The following TBC1D22A variants were observed in gnomAD, a reference collection of about 807,000 sequenced individuals.
TBC1D22A encodes TBC1 domain family member 22A, also known as putative GTPase activator.
Under a neutral mutation model 60.2 loss-of-function variants are expected in TBC1D22A, and 38 were observed. That is an observed-to-expected ratio of 0.63 (90% CI 0.49 to 0.83). The LOEUF (loss-of-function observed/expected upper bound fraction) is 0.83, where lower values mean the gene tolerates loss of function less well. TBC1D22A is among the 40% of genes least tolerant of loss of function. The pLI is 0.00. For synonymous variants in TBC1D22A, 302 were observed against 281.7 expected, an observed-to-expected ratio of 1.07 and a Z score of -0.72; for missense variants, 628 against 701.0, an observed-to-expected ratio of 0.90 and a Z score of 1.18.
At chr22:47,022,772 G>A (rs371303919) in intron 10 of TBC1D22A, among the ~76,000 whole-genome samples, 2 of 152,186 alleles carry the variant, frequency 1.3e-5, no homozygotes, top group African/African-American at 4.8e-5. Context: ...GCATCAGGTA[G>A]GGGACTTAGA....
intron 4 of TBC1D22A, among the ~76,000 whole-genome samples, chr22:46,854,361 A>G (rs1449371695): frequency 1.3e-5 from 2 of 152,060 alleles, no homozygotes; most frequent in Admixed American, 6.6e-5. Context: ...CACAGTGTCG[A>G]CATCCCTTCT....
chr22:46,859,410 C>T (rs200451701), intron 4 of TBC1D22A, among the ~76,000 whole-genome samples: 10 of 24,504 alleles, frequency 4.1e-4, no homozygotes, highest in African/African-American at 1.0e-3. Context: ...TGCCCCTTCC[C>T]GGGACCAGAA....
chr22:47,038,726 C>T lies in TBC1D22A; in HGVS notation c.1329+1528C>T, dbSNP rs574926634. Among the ~76,000 whole-genome samples, 8 of 152,264 alleles carry T rather than the reference C, an allele frequency of 5.3e-5. No homozygotes were observed. In the South Asian group the frequency reaches 6.2e-4, roughly 12 times the overall value. The stretch of plus-strand genomic sequence containing the variant: ...TTCTGACTTTGCTTTTCCTTTGCGC[C>T]GCTTGTCTGGTCTAATGATCTCACT... On this transcript the variant is annotated intron_variant, in intron 11 of 12. Transcript: ENST00000337137.
At chr22:47,159,387 A>C (rs2067870755) in intron 12 of TBC1D22A, among the ~76,000 whole-genome samples, 1 of 151,286 alleles carries the variant, frequency 6.6e-6, no homozygotes, top group Admixed American at 6.6e-5. Flanking sequence ...ACACAGACAC[A>C]CCACACACCA....
At chr22:47,171,215 C>G (rs1278259056) in intron 12 of TBC1D22A, among the ~76,000 whole-genome samples, 3 of 152,204 alleles carry the variant, frequency 2.0e-5, no homozygotes, top group Non-Finnish European at 2.9e-5. Flanking sequence ...CCAGCTACCC[C>G]CCATTCCCCT....
rs77524917 is a variant in TBC1D22A at position 46,850,346 on chromosome 22, G to A, written c.638-28307G>A. Reference sequence around the variant, plus strand: ...GGTGGCTGTGTGTGTGTGCGTGTGCGCATGTGTGCATTAGAAATTCACACT... The same window carrying A: ...GGTGGCTGTGTGTGTGTGCGTGTGCACATGTGTGCATTAGAAATTCACACT... On this transcript the variant is annotated intron_variant, in intron 4 of 12. Transcript: ENST00000337137. Among the ~76,000 whole-genome samples the A allele has an allele frequency of 5.1e-3, 773 of 152,244 alleles. 10 individuals are homozygous for A. The highest frequency in any genetic ancestry group is 0.017 in the African/African-American group (722 of 41,532).
At chr22:46,810,638 G>A (rs1028485380) in intron 4 of TBC1D22A, among the ~76,000 whole-genome samples, 1 of 152,222 alleles carries the variant, frequency 6.6e-6, no homozygotes, top group African/African-American at 2.4e-5. Flanking sequence ...GGACAGTTCA[G>A]CGGCTTTTGG....
intron 12 of TBC1D22A, among the ~76,000 whole-genome samples, chr22:47,129,785 A>G (rs574957101): frequency 5.3e-5 from 8 of 152,330 alleles, no homozygotes; most frequent in African/African-American, 1.9e-4. Flanking sequence ...GACTTTGACC[A>G]AAAAAGAGCA....
chr22:47,055,905 C>CGCCACTGAGGGTCAGTGAGATAT (rs2063378755), intron 11 of TBC1D22A, among the ~76,000 whole-genome samples: 2 of 151,804 alleles, frequency 1.3e-5, no homozygotes, highest in African/African-American at 2.4e-5. Flanking sequence ...CGGTGAGATA[C>CGCCACTGAGGGTCAGTGAGATAT]GCCACTGAGG....
chr22:46,949,961 A>T (rs771990119), intron 8 of TBC1D22A, among the ~76,000 whole-genome samples: 20 of 152,006 alleles, frequency 1.3e-4, no homozygotes, highest in Admixed American at 2.0e-4. Context: ...AGCAGCAATG[A>T]CCCCCATGGG....
At position 46,777,904 on chromosome 22, in the gene TBC1D22A, C is replaced by T. The variant is rs551606628; in HGVS notation, c.63-14616C>T. 3.3e-5 allele frequency among the ~76,000 whole-genome samples: 5 copies of T among 152,314 alleles called. No homozygotes were observed. The highest frequency in any genetic ancestry group is 3.4e-3 in the Middle Eastern group (1 of 294). ...TTTATACAAACCCAGGTAGAGTTAG[C>T]GCAGTGTCGCCTGCTGCACACCTAG... On this transcript the variant is annotated intron_variant, in intron 1 of 12. Transcript: ENST00000337137. This position sits in a 1 kb window ranked among gnomAD's most constrained non-coding sequence, Gnocchi z 4.5.
intron 4 of TBC1D22A, among the ~76,000 whole-genome samples, chr22:46,877,897 G>A (rs1333170297): frequency 6.6e-6 from 1 of 152,164 alleles, no homozygotes; most frequent in East Asian, 1.9e-4. Context: ...TCGGAAGGTC[G>A]ATGGAATGCA....
At chr22:47,018,526 C>T (rs1027754304) in intron 10 of TBC1D22A, among the ~76,000 whole-genome samples, 3 of 152,140 alleles carry the variant, frequency 2.0e-5, no homozygotes, top group Non-Finnish European at 2.9e-5. Flanking sequence ...TCCGTCTGTC[C>T]GTCCCACTCT....
At position 46,954,232 on chromosome 22, in the gene TBC1D22A, T is replaced by C. The variant is rs571438274; in HGVS notation, c.1016-20058T>C. On this transcript the variant is annotated intron_variant, in intron 8 of 12. Coordinates refer to ENST00000337137, the MANE Select transcript of TBC1D22A (RefSeq NM_014346.5). ...CCCGCTCTGCTTCTTGCAGGCTGCG[T>C]GACTTTGAACATGTCCTTTGCCTTG... Among the ~76,000 whole-genome samples, 24 of 152,382 alleles carry C rather than the reference T, an allele frequency of 1.6e-4. No homozygotes were observed. The South Asian group carries it at 5.0e-3, about 32-fold the overall frequency.
chr22:46,920,581 T>A (rs1006970664), intron 8 of TBC1D22A, among the ~76,000 whole-genome samples: 3 of 152,194 alleles, frequency 2.0e-5, no homozygotes, highest in Non-Finnish European at 2.9e-5. Flanking sequence ...GATTCGCTGC[T>A]CCTCGAATCT....
chr22:47,031,577 A>T (rs2062475156), intron 10 of TBC1D22A, among the ~76,000 whole-genome samples: 1 of 152,180 alleles, frequency 6.6e-6, no homozygotes, highest in African/African-American at 2.4e-5. Flanking sequence ...CCCAGGGCGC[A>T]GGTGCCCAGA....
intron 10 of TBC1D22A, among the ~76,000 whole-genome samples, chr22:47,003,939 TAC>T (rs1433154073): frequency 1.3e-4 from 17 of 130,620 alleles, no homozygotes; most frequent in Non-Finnish European, 2.4e-4. Flanking sequence ...CATGCCTGTA[TAC>T]ACACACCCTA....
chr22:46,920,764 ATTATG>A (rs1287157928), intron 8 of TBC1D22A, among the ~76,000 whole-genome samples: 1 of 136,050 alleles, frequency 7.4e-6, no homozygotes, highest in Non-Finnish European at 1.5e-5. Context: ...TGAAGTTAAC[ATTATG>A]TTATTTATTC....
intron 8 of TBC1D22A, among the ~76,000 whole-genome samples, chr22:46,970,584 A>G (rs2074008190): frequency 1.3e-5 from 2 of 152,196 alleles, no homozygotes; most frequent in African/African-American, 2.4e-5. Context: ...GGGGCTTCCC[A>G]GGTCGTGCCT....
Sources: gnomAD v4.1 joint callset for allele counts (sites outside exome capture counted in the v4.1 genomes callset) on GRCh38, gnomAD v4.1.1 for gene constraint, Gnocchi (gnomAD v3.1) non-coding constraint, MANE v1.5 for transcripts, NCBI Gene and HGNC (gene_info 2026-07-23, HGNC 2026-07-21) for gene names.